FBXO34: variants seen among roughly 807,000 people sequenced by gnomAD.
FBXO34 encodes F-box protein 34.
Under a neutral mutation model 24.5 loss-of-function variants are expected in FBXO34, and 12 were observed. That is an observed-to-expected ratio of 0.49 (90% confidence interval 0.31 to 0.79). The LOEUF (loss-of-function observed/expected upper bound fraction) is 0.79. Ranked by LOEUF, FBXO34 falls within the 30% of genes least tolerant of loss-of-function variation. FBXO34 has a pLI of 0.04. For missense variants in FBXO34, 823 were observed against 857.7 expected (o/e 0.96, Z 0.51); for synonymous variants, 320 against 311.9 (o/e 1.03, Z -0.27).
intron 1 of FBXO34, among the ~76,000 whole-genome samples, chr14:55,283,648 AT>A (rs1455549421): frequency 3.3e-5 from 5 of 151,890 alleles, no homozygotes; most frequent in African/African-American, 1.2e-4. Flanking sequence ...TTTAGTAGGG[AT>A]GGGGTTTCAC....
At chr14:55,293,008 T>G (rs60035153) in intron 1 of FBXO34, among the ~76,000 whole-genome samples, 1 of 152,044 alleles carries the variant, frequency 6.6e-6, no homozygotes, top group Non-Finnish European at 1.5e-5. Flanking sequence ...TCAGCCTCTC[T>G]AGTAGCTGGG....
downstream of FBXO34, chr14:55,369,915 AG>A: frequency 6.2e-7 from 1 of 1,610,624 alleles, no homozygotes; most frequent in Non-Finnish European, 8.5e-7. Context: ...CGTACTTCAA[AG>A]GGCCCTGACC....
intron 1 of FBXO34, among the ~76,000 whole-genome samples, chr14:55,310,379 A>G (rs890078055): frequency 1.3e-4 from 20 of 152,214 alleles, no homozygotes; most frequent in African/African-American, 4.8e-4. Flanking sequence ...GAAAAATTCA[A>G]GTAGCATTTC....
At chr14:55,396,130 T>C in the FBXO34 span, 1 of 548,758 alleles carries the variant, frequency 1.8e-6, no homozygotes, top group South Asian at 3.7e-5. Context: ...GTTTTCCAAA[T>C]TCCCTGTTCT....
the FBXO34 span, among the ~76,000 whole-genome samples, chr14:55,387,705 T>C: frequency 6.6e-6 from 1 of 152,108 alleles, no homozygotes; most frequent in Non-Finnish European, 1.5e-5. Flanking sequence ...GTTTCGCTCT[T>C]GTTGCCCAGG....
the FBXO34 span, among the ~76,000 whole-genome samples, chr14:55,402,960 TATATATATAA>T: frequency 2.9e-3 from 173 of 59,568 alleles, 5 homozygotes; most frequent in Non-Finnish European, 4.8e-3. Flanking sequence ...TATATATATA[TATATATATAA>T]ATAGCTGGGC....
rs1275192251 is a variant in FBXO34 at position 55,351,251 on chromosome 14, G to A, written c.861G>A (p.Glu287=). The change falls in exon 2 of 2, where the codon GAG becomes GAA. Residue 287 remains glutamate, a synonymous_variant. Transcript: ENST00000313833. ...VRVLDMVAKL[E]SECLKRQGQR... Reference sequence around the variant, plus strand: ...TCCTTGACATGGTAGCCAAGTTGGAGTCTGAGTGCCTGAAGCGGCAGGGCC... The same window carrying A: ...TCCTTGACATGGTAGCCAAGTTGGAATCTGAGTGCCTGAAGCGGCAGGGCC... 1 of 1,614,230 alleles carries A rather than the reference G, an allele frequency of 6.2e-7. No homozygotes were observed. The highest frequency in any genetic ancestry group is 8.5e-7 in the Non-Finnish European group (1 of 1,180,052).
chr14:55,350,564 T>C lies in FBXO34; in HGVS notation c.174T>C (p.Ser58=). Residue 58 remains serine (S), a synonymous_variant, in exon 2 of 2, where the codon TCT becomes TCC. Transcript: ENST00000313833. The part of the protein sequence containing the change: ...FPSASLGKAS[S]RKPFGILSPN... ...CAGCCTCTCTCGGTAAAGCATCATC[T>C]CGAAAGCCATTTGGGATCCTTTCTC... is the stretch of plus-strand genomic sequence containing the variant. 1 of 1,613,228 alleles carries C rather than the reference T, an allele frequency of 6.2e-7. No individual in the cohort carries two copies. Among genetic ancestry groups the C allele is most frequent in the Non-Finnish European group, 8.5e-7 (1 of 1,179,748 alleles).
At chr14:55,323,192 A>ATT (rs1883209681) in intron 1 of FBXO34, among the ~76,000 whole-genome samples, 1 of 19,882 alleles carries the variant, frequency 5.0e-5, no homozygotes, top group African/African-American at 5.9e-4. Context: ...CTCAAAAAAA[A>ATT]AAAAAAAAAA....
the FBXO34 span, chr14:55,424,126 T>C: frequency 6.6e-7 from 1 of 1,509,142 alleles, no homozygotes; most frequent in Non-Finnish European, 9.2e-7. Context: ...AGCAATTACA[T>C]TTTATGAGTC....
the FBXO34 span, chr14:55,377,775 G>T: frequency 7.1e-7 from 1 of 1,401,404 alleles, no homozygotes; most frequent in Non-Finnish European, 9.8e-7. Context: ...CCTCTAACAG[G>T]ATTCACAAAA....
the FBXO34 span, among the ~76,000 whole-genome samples, chr14:55,412,379 A>G: frequency 6.6e-6 from 1 of 152,220 alleles, no homozygotes; most frequent in Non-Finnish European, 1.5e-5. Flanking sequence ...GAGGATTAAT[A>G]TGGTTAATAG....
At chr14:55,293,175 G>A (rs536031911) in intron 1 of FBXO34, among the ~76,000 whole-genome samples, 14 of 151,686 alleles carry the variant, frequency 9.2e-5, no homozygotes, top group South Asian at 2.1e-4. Flanking sequence ...GAGCCACCCC[G>A]CACCCGGCCT....
the FBXO34 span, chr14:55,411,662 G>A: frequency 2.5e-6 from 4 of 1,613,522 alleles, no homozygotes; most frequent in Admixed American, 5.0e-5. Flanking sequence ...TTTGGCGCAG[G>A]TCAGCCGCCG....
At chr14:55,405,451 CATAATT>C in the FBXO34 span, among the ~76,000 whole-genome samples, 1 of 152,146 alleles carries the variant, frequency 6.6e-6, no homozygotes, top group East Asian at 1.9e-4. Flanking sequence ...TTCCTGAAAA[CATAATT>C]ATAAAGTAGT....
downstream of FBXO34, chr14:55,370,043 T>G: frequency 6.3e-6 from 6 of 946,334 alleles, no homozygotes; most frequent in Non-Finnish European, 7.7e-6. Flanking sequence ...ACCCCATTCA[T>G]TCCCCAAGTC....
At chr14:55,322,019 G>A (rs1027677671) in intron 1 of FBXO34, among the ~76,000 whole-genome samples, 1 of 152,166 alleles carries the variant, frequency 6.6e-6, no homozygotes, top group Non-Finnish European at 1.5e-5. Flanking sequence ...CAGTTTGCCA[G>A]TTATTATATA....
chr14:55,309,971 T>C (rs1882680796), intron 1 of FBXO34, among the ~76,000 whole-genome samples: 1 of 152,152 alleles, frequency 6.6e-6, no homozygotes, highest in Admixed American at 6.5e-5. Context: ...TTAATAGTGA[T>C]AATGAGGCAG....
chr14:55,411,843 A>G, the FBXO34 span: 10 of 1,561,802 alleles, frequency 6.4e-6, no homozygotes, highest in African/African-American at 1.4e-4. Context: ...GAGGAGAGCC[A>G]GTCACGTGGG....
Sources: gnomAD v4.1 joint callset for allele counts (sites outside exome capture counted in the v4.1 genomes callset) on GRCh38, gnomAD v4.1.1 for gene constraint, MANE v1.5 for transcripts, NCBI Gene and HGNC (gene_info 2026-07-23, HGNC 2026-07-21) for gene names.